Variants in CLEC16A observed in about 807,000 individuals in gnomAD.
The protein encoded by CLEC16A is protein CLEC16A.
Under a neutral mutation model 109.5 loss-of-function variants are expected in CLEC16A, and 51 were observed. The ratio of observed to expected loss-of-function variants is 0.47; its 90% CI spans 0.37 to 0.59. The LOEUF is 0.59. Among genes scored for constraint, CLEC16A ranks in the 20% least tolerant of loss-of-function variants. The probability of loss-of-function intolerance (pLI) is 0.00; values close to 1 mark genes in which losing one functional copy is unlikely to be tolerated. For synonymous variants in CLEC16A, 673 were observed against 564.2 expected, an observed-to-expected ratio of 1.19 and a Z score of -2.73; for missense variants, 1,339 against 1,394.0, an observed-to-expected ratio of 0.96 and a Z score of 0.63.
intron 23 of CLEC16A, among the ~76,000 whole-genome samples, chr16:11,168,143 A>G (rs1460463755): frequency 1.3e-5 from 2 of 152,168 alleles, no homozygotes; most frequent in Non-Finnish European, 2.9e-5. Flanking sequence ...ATGATCAAAA[A>G]TGGGCTTCTG....
intron 9 of CLEC16A, among the ~76,000 whole-genome samples, chr16:10,982,224 T>G (rs1391822493): frequency 6.6e-6 from 1 of 152,096 alleles, no homozygotes; most frequent in Non-Finnish European, 1.5e-5. Context: ...GGGCAACAGG[T>G]GTGGGAGCAG....
intron 10 of CLEC16A, among the ~76,000 whole-genome samples, chr16:10,983,450 G>C (rs990441141): frequency 7.9e-5 from 12 of 152,220 alleles, no homozygotes; most frequent in Non-Finnish European, 8.8e-5. Context: ...CTGCTGTTCT[G>C]CAGGAATATG....
chr16:11,081,044 G>A (rs774514438), intron 19 of CLEC16A, among the ~76,000 whole-genome samples: 1 of 152,214 alleles, frequency 6.6e-6, no homozygotes, highest in African/African-American at 2.4e-5. Flanking sequence ...GAGGCTCTGC[G>A]GGACACGCTG....
At chr16:11,034,645 C>T (rs2046924880) in intron 13 of CLEC16A, among the ~76,000 whole-genome samples, 1 of 152,110 alleles carries the variant, frequency 6.6e-6, no homozygotes, top group African/African-American at 2.4e-5. Flanking sequence ...GGCTCTGACC[C>T]CTAAGGCAGG....
chr16:10,984,897 A>G (rs1039198658), intron 10 of CLEC16A, among the ~76,000 whole-genome samples: 2 of 152,062 alleles, frequency 1.3e-5, no homozygotes, highest in African/African-American at 4.8e-5. Context: ...GCTGATGGAG[A>G]TGGGGGCAAA....
chr16:10,980,531 C>T (rs1044068009), intron 9 of CLEC16A, among the ~76,000 whole-genome samples: 11 of 152,022 alleles, frequency 7.2e-5, no homozygotes, highest in South Asian at 4.1e-4. Flanking sequence ...GAGCATTGCC[C>T]GGGCAGGGTC....
At chr16:11,020,569 C>T (rs1367209525) in intron 12 of CLEC16A, among the ~76,000 whole-genome samples, 1 of 152,250 alleles carries the variant, frequency 6.6e-6, no homozygotes, top group Non-Finnish European at 1.5e-5. Flanking sequence ...TCTCCCTGCC[C>T]TGCTCCTGGC....
intron 20 of CLEC16A, among the ~76,000 whole-genome samples, chr16:11,122,993 T>C (rs1194416216): frequency 2.8e-5 from 4 of 144,136 alleles, no homozygotes; most frequent in Admixed American, 2.2e-4. Flanking sequence ...AACCTCTGCC[T>C]TCCGGGTTCA....
rs1253016132 is a variant in CLEC16A at position 11,181,216 on chromosome 16, C to CA, written c.*2527dup. 1 of 152,390 alleles carries CA rather than the reference C, an allele frequency of 6.6e-6. No individual in the cohort carries two copies. The highest frequency in any genetic ancestry group is 2.4e-5 in the African/African-American group (1 of 41,466). The allele number at this position is 152,390 out of a possible 1,614,324, so 9.4% of individuals were successfully genotyped here. On this transcript the variant is annotated 3_prime_UTR_variant, in exon 24 of 24. Transcript: ENST00000409790. ...GCGGCAGTGGGCACAGCTATGTCTT[C>CA]AGGAGCTCCCGTCAAACCTCATAGC...
intron 19 of CLEC16A, among the ~76,000 whole-genome samples, chr16:11,061,293 G>GT (rs137858899): frequency 0.014 from 2,144 of 152,308 alleles, 34 homozygotes; most frequent in African/African-American, 0.048. Context: ...TCAAGCAAGG[G>GT]TGAACAAACT....
chr16:11,123,987 G>A (rs200720892), intron 21 of CLEC16A, 41 bp downstream of exon 21: 21 of 1,543,604 alleles, frequency 1.4e-5, no homozygotes, highest in East Asian at 2.4e-5. Flanking sequence ...CTGAGCACTT[G>A]GTGGGTCAGG....
At chr16:11,144,156 CCTTAGAGTGAATACAT>C (rs1446313295) in intron 22 of CLEC16A, among the ~76,000 whole-genome samples, 21 of 152,198 alleles carry the variant, frequency 1.4e-4, no homozygotes, top group African/African-American at 5.1e-4. Flanking sequence ...ACCTTATCCA[CCTTAGAGTGAATACAT>C]CTCTGAAACT....
chr16:11,108,924 C>G (rs1218263334), intron 19 of CLEC16A, among the ~76,000 whole-genome samples: 1 of 151,928 alleles, frequency 6.6e-6, no homozygotes, highest in Admixed American at 6.6e-5. Context: ...TCCTGGCTAA[C>G]ATGGTGAAAC....
intron 1 of CLEC16A, among the ~76,000 whole-genome samples, chr16:10,953,645 T>C (rs1346495359): frequency 6.6e-6 from 1 of 152,078 alleles, no homozygotes; most frequent in Non-Finnish European, 1.5e-5. Flanking sequence ...GGTCAGAGTA[T>C]ATAAAGAAAA....
intron 19 of CLEC16A, among the ~76,000 whole-genome samples, chr16:11,108,986 C>A (rs1365290646): frequency 6.6e-6 from 1 of 151,732 alleles, no homozygotes; most frequent in Non-Finnish European, 1.5e-5. Flanking sequence ...TGGCGGGCGC[C>A]TGTAGTCCCA....
chr16:11,105,339 T>C (rs1164504720), intron 19 of CLEC16A, among the ~76,000 whole-genome samples: 4 of 152,196 alleles, frequency 2.6e-5, no homozygotes, highest in Non-Finnish European at 5.9e-5. Flanking sequence ...ACTGCACGTA[T>C]TGAAGAAGAG....
In CLEC16A at chr16:10,982,897, A is replaced by G. The variant is rs201301196; in HGVS notation, c.977A>G (p.His326Arg). Residue 326 changes from histidine (H) to arginine (R), a missense_variant, in exon 10 of 24, where the codon CAT becomes CGT. Around this residue, in one of 3 missense-constraint regions of CLEC16A, gnomAD observed 1,061 missense variants for 1,006.8 expected, o/e 1.05. Transcript: ENST00000409790. ...LLSQVFLIIH[H>R]APLVNSLAEV... ...CGCCAGGTCTTCTTAATTATACATC[A>G]TGCACCGCTGGTGAACTCGTTAGCT... The G allele has an allele frequency of 6.2e-7, 1 of 1,604,924 alleles. No homozygotes were observed. Among genetic ancestry groups the G allele is most frequent in the South Asian group, 1.1e-5 (1 of 90,874 alleles).
intron 22 of CLEC16A, chr16:11,157,293 C>T (rs2054569586): frequency 7.1e-6 from 8 of 1,127,776 alleles, no homozygotes; most frequent in South Asian, 5.4e-5. Flanking sequence ...AGGCTTGGCC[C>T]GGGAGGCCAT....
intron 19 of CLEC16A, among the ~76,000 whole-genome samples, chr16:11,120,044 A>C (rs1171722154): frequency 6.6e-6 from 1 of 152,166 alleles, no homozygotes; most frequent in East Asian, 1.9e-4. Flanking sequence ...ATCTTGGCTC[A>C]CTGCAACCTC....
Sources: gnomAD v4.1 joint callset for allele counts (sites outside exome capture counted in the v4.1 genomes callset) on GRCh38, gnomAD v4.1.1 for gene constraint, gnomAD v4.1.1 regional missense constraint, MANE v1.5 for transcripts, NCBI Gene and HGNC (gene_info 2026-07-23, HGNC 2026-07-21) for gene names.